PRR16: variants seen among roughly 807,000 people sequenced by gnomAD.
PRR16 encodes the protein protein Largen.
Under a neutral mutation model 18.2 loss-of-function variants are expected in PRR16, and 6 were observed. The ratio of observed to expected loss-of-function variants is 0.33; its 90% CI spans 0.18 to 0.65. The LOEUF (loss-of-function observed/expected upper bound fraction) is 0.65, where lower values mean the gene tolerates loss of function less well. Among genes scored for constraint, PRR16 ranks in the 30% least tolerant of loss-of-function variants. PRR16 has a pLI of 0.74. For synonymous variants in PRR16, 151 were observed against 147.8 expected, an observed-to-expected ratio of 1.02 and a Z score of -0.16; for missense variants, 412 against 376.6, an observed-to-expected ratio of 1.09 and a Z score of -0.78.
At chr5:120,578,346 G>A (rs1224406987) in intron 1 of PRR16, among the ~76,000 whole-genome samples, 2 of 152,074 alleles carry the variant, frequency 1.3e-5, no homozygotes, top group African/African-American at 2.4e-5. Context: ...GTATATGGGT[G>A]CCATGGTTGT....
At chr5:120,593,627 GA>G (rs1753709722) in intron 1 of PRR16, among the ~76,000 whole-genome samples, 2 of 152,062 alleles carry the variant, frequency 1.3e-5, no homozygotes, top group African/African-American at 4.8e-5. Flanking sequence ...AATTCTGGAG[GA>G]GGTACTTCTC....
At chr5:120,661,787 A>G (rs914664012) in intron 1 of PRR16, among the ~76,000 whole-genome samples, 4 of 152,054 alleles carry the variant, frequency 2.6e-5, no homozygotes, top group South Asian at 2.1e-4. Flanking sequence ...AGATCACGCT[A>G]CAGTACCCAA....
At chr5:120,511,563 G>C (rs1362562667) in intron 1 of PRR16, among the ~76,000 whole-genome samples, 1 of 152,082 alleles carries the variant, frequency 6.6e-6, no homozygotes, top group Non-Finnish European at 1.5e-5. Flanking sequence ...GTTCTTCATG[G>C]AAGTTTTTGC....
At chr5:120,771,323 C>A in the PRR16 span, among the ~76,000 whole-genome samples, 1 of 152,052 alleles carries the variant, frequency 6.6e-6, no homozygotes, top group Admixed American at 6.6e-5. Flanking sequence ...AATGATGCAA[C>A]ATGCATTAGC....
At chr5:120,539,469 A>T (rs1485460080) in intron 1 of PRR16, among the ~76,000 whole-genome samples, 1 of 152,118 alleles carries the variant, frequency 6.6e-6, no homozygotes, top group Non-Finnish European at 1.5e-5. Flanking sequence ...TTGAATAGCC[A>T]TCTAATACTT....
At chr5:120,700,715 A>G in the PRR16 span, among the ~76,000 whole-genome samples, 7 of 152,124 alleles carry the variant, frequency 4.6e-5, no homozygotes, top group African/African-American at 7.2e-5. Flanking sequence ...CAGGCCCTTG[A>G]AAAGAAAGTA....
the PRR16 span, among the ~76,000 whole-genome samples, chr5:120,777,805 A>G: frequency 2.0e-5 from 3 of 152,150 alleles, no homozygotes; most frequent in African/African-American, 7.2e-5. Context: ...GCTGATTGAT[A>G]ATGCAAAATT....
chr5:120,498,255 A>C (rs564801553), intron 1 of PRR16, among the ~76,000 whole-genome samples: 2 of 150,026 alleles, frequency 1.3e-5, no homozygotes, highest in South Asian at 4.2e-4. Flanking sequence ...CAGTTTTCCT[A>C]GGTATTACAT....
At chr5:120,695,600 C>T in the PRR16 span, among the ~76,000 whole-genome samples, 1 of 152,124 alleles carries the variant, frequency 6.6e-6, no homozygotes, top group African/African-American at 2.4e-5. Flanking sequence ...GAGAAACTTT[C>T]CTCTCGCCAT....
intron 1 of PRR16, among the ~76,000 whole-genome samples, chr5:120,553,027 T>A (rs1428017286): frequency 6.6e-6 from 1 of 151,856 alleles, no homozygotes; most frequent in Non-Finnish European, 1.5e-5. Context: ...CTCAGACTAC[T>A]TCCCTTTAAA....
At chr5:120,654,393 C>T (rs916056541) in intron 1 of PRR16, among the ~76,000 whole-genome samples, 11 of 151,950 alleles carry the variant, frequency 7.2e-5, no homozygotes, top group African/African-American at 2.7e-4. Flanking sequence ...AATGGACTTA[C>T]TAGGAGAAGA....
the PRR16 span, among the ~76,000 whole-genome samples, chr5:120,782,780 G>T: frequency 6.6e-6 from 1 of 152,132 alleles, no homozygotes; most frequent in South Asian, 2.1e-4. Context: ...AAATTTTGTG[G>T]CTGGTCCTGG....
At chr5:120,514,771 T>G (rs188311421) in intron 1 of PRR16, among the ~76,000 whole-genome samples, 72 of 152,328 alleles carry the variant, frequency 4.7e-4, no homozygotes, top group Non-Finnish European at 4.9e-4. Context: ...CTGATCACAA[T>G]AATTTAAGAA....
chr5:120,778,337 T>C, the PRR16 span, among the ~76,000 whole-genome samples: 3 of 152,156 alleles, frequency 2.0e-5, no homozygotes, highest in Non-Finnish European at 4.4e-5. Flanking sequence ...TTTCAAGAGC[T>C]TTCAAGAAAC....
At chr5:120,566,270 T>A (rs1194819217) in intron 1 of PRR16, among the ~76,000 whole-genome samples, 1 of 152,216 alleles carries the variant, frequency 6.6e-6, no homozygotes, top group East Asian at 1.9e-4. Context: ...ACTCTGAATC[T>A]TGGACTTCCT....
chr5:120,660,363 G>T (rs1299233064), intron 1 of PRR16, among the ~76,000 whole-genome samples: 1 of 151,938 alleles, frequency 6.6e-6, no homozygotes, highest in Admixed American at 6.6e-5. Context: ...ATGCCACAGT[G>T]CCCTTTATGT....
At chr5:120,787,427 T>C in the PRR16 span, among the ~76,000 whole-genome samples, 1 of 152,180 alleles carries the variant, frequency 6.6e-6, no homozygotes, top group Non-Finnish European at 1.5e-5. Context: ...AATACATTCC[T>C]TTAATATCCA....
chr5:120,569,305 A>G (rs1054647607), intron 1 of PRR16, among the ~76,000 whole-genome samples: 2 of 152,158 alleles, frequency 1.3e-5, no homozygotes, highest in African/African-American at 4.8e-5. Flanking sequence ...ATACAAATAG[A>G]GAATACAGTT....
the PRR16 span, among the ~76,000 whole-genome samples, chr5:120,712,088 T>A: frequency 6.6e-6 from 1 of 152,236 alleles, no homozygotes; most frequent in South Asian, 2.1e-4. Flanking sequence ...AAATTCAGAC[T>A]TTTTTTATCA....
Sources: allele counts gnomAD v4.1 joint callset (sites outside exome capture counted in the v4.1 genomes callset), GRCh38; gene constraint gnomAD v4.1.1; transcripts MANE v1.5; gene names NCBI Gene and HGNC (gene_info 2026-07-23, HGNC 2026-07-21).